The following PSPC1 variants were observed in gnomAD, a reference collection of about 807,000 sequenced individuals.
PSPC1 encodes the protein paraspeckle component 1.
Under a neutral mutation model 51.6 loss-of-function variants are expected in PSPC1, and 14 were observed. The ratio of observed to expected loss-of-function variants is 0.27; its 90% CI spans 0.18 to 0.42. PSPC1 has a LOEUF of 0.42. Ranked by LOEUF, PSPC1 falls within the 10% of genes least tolerant of loss-of-function variation. The pLI, the probability that PSPC1 is intolerant of heterozygous loss-of-function variation, is 1.00. For synonymous variants in PSPC1, 193 were observed against 231.9 expected, an observed-to-expected ratio of 0.83 and a Z score of 1.53; for missense variants, 406 against 701.1, an observed-to-expected ratio of 0.58 and a Z score of 4.75.
At chr13:19,679,630 A>G (rs1877055950) in intron 6 of PSPC1, among the ~76,000 whole-genome samples, 3 of 152,254 alleles carry the variant, frequency 2.0e-5, no homozygotes, top group Non-Finnish European at 4.4e-5. Flanking sequence ...ATGAGGTATT[A>G]TAAGCAACAT....
chr13:19,763,218 C>T (rs193036460), intron 2 of PSPC1, among the ~76,000 whole-genome samples: 19 of 152,036 alleles, frequency 1.2e-4, no homozygotes, highest in Admixed American at 5.9e-4. Context: ...TGCAGTGGGG[C>T]GATCACAGCT....
rs182555703 is a variant in PSPC1, at chr13:19,693,410, G to C, written c.1159-15587C>G. 2.7e-4 allele frequency among the ~76,000 whole-genome samples: 41 copies of C among 152,192 alleles called. No homozygotes were observed. In the East Asian group the frequency reaches 6.9e-3, roughly 26 times the overall value. ...AAAAGGACCATATTTTGTTCATTTT[G>C]GTATCCTCATTTGTAAACACTGTGT... On this transcript the variant is annotated intron_variant and NMD_transcript_variant, in intron 6 of 7. Transcript: ENST00000471658.
chr13:19,673,857 T>A (rs1414616606), downstream of PSPC1, among the ~76,000 whole-genome samples: 1 of 152,232 alleles, frequency 6.6e-6, no homozygotes, highest in African/African-American at 2.4e-5. Flanking sequence ...AGGTTTATTA[T>A]AACATTTAGA....
intron 4 of PSPC1, 42 bp downstream of exon 4, chr13:19,751,229 A>G: frequency 1.4e-6 from 2 of 1,472,668 alleles, no homozygotes; most frequent in Non-Finnish European, 1.8e-6. Context: ...ACTTAAGGGA[A>G]AAAAAAAATC....
chr13:19,730,967 A>G (rs1262598541), intron 5 of PSPC1, among the ~76,000 whole-genome samples: 1 of 140,454 alleles, frequency 7.1e-6, no homozygotes, highest in Non-Finnish European at 1.6e-5. Context: ...CAAAAAAACA[A>G]AAAAAAAAAA....
intron 3 of PSPC1, among the ~76,000 whole-genome samples, chr13:19,752,684 C>T (rs1274818420): frequency 9.9e-4 from 151 of 152,006 alleles, no homozygotes; most frequent in Non-Finnish European, 8.8e-5. Context: ...CTCCCGGGTT[C>T]GCACCATTCT....
chr13:19,751,048 C>T (rs1350474438), intron 4 of PSPC1, among the ~76,000 whole-genome samples: 5 of 151,902 alleles, frequency 3.3e-5, no homozygotes, highest in African/African-American at 7.3e-5. Context: ...GGATTACAGG[C>T]GTGAGCCACC....
intron 5 of PSPC1, among the ~76,000 whole-genome samples, chr13:19,740,449 T>A (rs1241985517): frequency 1.3e-5 from 2 of 152,124 alleles, no homozygotes; most frequent in Non-Finnish European, 2.9e-5. Flanking sequence ...ATATACAGAA[T>A]ATCACCTATC....
At chr13:19,696,794 T>C (rs1201637623) in intron 6 of PSPC1, among the ~76,000 whole-genome samples, 1 of 152,196 alleles carries the variant, frequency 6.6e-6, no homozygotes, top group African/African-American at 2.4e-5. Flanking sequence ...AGTTACATTA[T>C]TTCATCTCAT....
chr13:19,730,303 C>T lies in PSPC1; in HGVS notation c.1094G>A (p.Arg365Gln), dbSNP rs1883887346. Residue 365 changes from arginine (R) to glutamine (Q), a missense_variant, in exon 6 of 9, where the codon CGA becomes CAA. Transcript: ENST00000338910. The part of the protein sequence containing the change: ...EHRRREEEMI[R>Q]HREQEELRRQ... Reference sequence around the variant, plus strand: ...CCTCAGTTCCTCCTGTTCTCTGTGTCGGATCATTTCTTCCTCACGCCGCCG... The same window carrying T: ...CCTCAGTTCCTCCTGTTCTCTGTGTTGGATCATTTCTTCCTCACGCCGCCG... The T allele has an allele frequency of 3.7e-6, 6 of 1,614,026 alleles. No individual in the cohort carries two copies. Among genetic ancestry groups the T allele is most frequent in the African/African-American group, 1.3e-5 (1 of 75,034 alleles).
Position 19,765,343 on chromosome 13 carries a change from TA to T in PSPC1, c.675-5926del, listed in dbSNP as rs1283920318. Among the ~76,000 whole-genome samples, 765 of 146,476 alleles carry T rather than the reference TA, an allele frequency of 5.2e-3. 6 individuals carry two copies. Among genetic ancestry groups the T allele is most frequent in the African/African-American group, 0.018 (721 of 40,056 alleles). ...ATCTCAAAAATAATAATAATAATAA[TA>T]ATTATTATTATTATTATTATTACCA... is the stretch of plus-strand genomic sequence containing the variant. On this transcript the variant is annotated intron_variant, in intron 2 of 8. Transcript: ENST00000338910.
chr13:19,764,914 C>T (rs4769905), intron 2 of PSPC1, among the ~76,000 whole-genome samples: 135,694 of 150,938 alleles, frequency 0.9, 62,170 homozygotes, highest in East Asian at 1. Flanking sequence ...TTTTATTTTT[C>T]TTTTGTAGAG....
intron 1 of PSPC1, among the ~76,000 whole-genome samples, chr13:19,780,717 G>A (rs1889865771): frequency 6.8e-6 from 1 of 146,404 alleles, no homozygotes; most frequent in Non-Finnish European, 1.5e-5. Context: ...AGAGACCTTT[G>A]TTCACTTGTT....
intron 1 of PSPC1, among the ~76,000 whole-genome samples, chr13:19,776,113 T>A (rs1015023141): frequency 6.6e-6 from 1 of 152,034 alleles, no homozygotes; most frequent in African/African-American, 2.4e-5. Flanking sequence ...GGGGTGATAA[T>A]ATGTATATTT....
downstream of PSPC1, chr13:19,673,326 T>C (rs1033846506): frequency 6.6e-6 from 2 of 302,190 alleles, no homozygotes; most frequent in African/African-American, 4.3e-5. Flanking sequence ...TGAAATACGA[T>C]TTTAATGAAA....
chr13:19,782,686 G>A lies in PSPC1; in HGVS notation c.72C>T (p.Ser24=). Residue 24 remains serine, a synonymous_variant, in exon 1 of 9, where the codon TCC becomes TCT. Transcript: ENST00000338910. The surrounding 1 kb of genome is among the most constrained non-coding windows in gnomAD (Gnocchi z 4.5). ...KNPARLRALE[S]AVGESEPAAA... Reference sequence around the variant, plus strand: ...CCGCCGGCTCGCTCTCGCCCACCGCGGACTCCAGGGCGCGAAGGCGGGCCG... The same window carrying A: ...CCGCCGGCTCGCTCTCGCCCACCGCAGACTCCAGGGCGCGAAGGCGGGCCG... The A allele has an allele frequency of 2.6e-6, 4 of 1,567,738 alleles. No homozygotes were observed. In the South Asian group the frequency reaches 3.5e-5, roughly 14 times the overall value.
At chr13:19,738,260 T>C (rs1885058946) in intron 5 of PSPC1, among the ~76,000 whole-genome samples, 1 of 152,188 alleles carries the variant, frequency 6.6e-6, no homozygotes, top group Admixed American at 6.5e-5. Flanking sequence ...GCCGTTCATC[T>C]TTCTCTAATG....
intron 5 of PSPC1, among the ~76,000 whole-genome samples, chr13:19,741,072 C>T (rs1885391970): frequency 6.6e-6 from 1 of 152,094 alleles, no homozygotes; most frequent in Non-Finnish European, 1.5e-5. Flanking sequence ...CAGGGTTTCA[C>T]CATGTTGGCC....
chr13:19,678,338 C>T (rs2137574760), intron 6 of PSPC1: 1 of 153,724 alleles, frequency 6.5e-6, no homozygotes, highest in South Asian at 2.0e-4. Context: ...CTAGTAAGAC[C>T]TTGATCAATG....
Sources: gnomAD v4.1 joint callset for allele counts (sites outside exome capture counted in the v4.1 genomes callset) on GRCh38, gnomAD v4.1.1 for gene constraint, Gnocchi (gnomAD v3.1) non-coding constraint, MANE v1.5 for transcripts, NCBI Gene and HGNC (gene_info 2026-07-23, HGNC 2026-07-21) for gene names.